The following NBEA variants were observed in gnomAD, a reference collection of about 807,000 sequenced individuals.
NBEA encodes neurobeachin.
Under a neutral mutation model 343.4 loss-of-function variants are expected in NBEA, and 44 were observed. The observed-to-expected ratio is 0.13, with a 90% CI of 0.10 to 0.16. The LOEUF (loss-of-function observed/expected upper bound fraction) is 0.16, where lower values mean the gene tolerates loss of function less well. Ranked by LOEUF, NBEA falls within the 10% of genes least tolerant of loss-of-function variation. The pLI, the probability that NBEA is intolerant of heterozygous loss-of-function variation, is 1.00. For missense variants in NBEA, 2,555 were observed against 3,631.3 expected (o/e 0.70, Z 7.62); for synonymous variants, 1,175 against 1,238.7 (o/e 0.95, Z 1.08).
intron 34 of NBEA, among the ~76,000 whole-genome samples, chr13:35,289,173 A>G (rs2035635239): frequency 6.6e-6 from 1 of 151,940 alleles, no homozygotes; most frequent in South Asian, 2.1e-4. Context: ...TCAAGAAACA[A>G]AAATAACTGG....
chr13:35,191,935 G>A (rs2072228807), intron 30 of NBEA, among the ~76,000 whole-genome samples: 1 of 151,992 alleles, frequency 6.6e-6, no homozygotes, highest in Admixed American at 6.6e-5. Flanking sequence ...CATGTCATTT[G>A]CTGAAGTTGT....
Position 35,091,069 on chromosome 13 carries a change from C to T in NBEA, c.1572-7228C>T, listed in dbSNP as rs373827261. Among the ~76,000 whole-genome samples the T allele has an allele frequency of 2.0e-4, 31 of 152,076 alleles. No homozygotes were observed. The East Asian group carries it at 3.7e-3, about 18-fold the overall frequency. ...TAATTTTTCTTTTCTTCACGTTGTTCTGTTATGGCCCAGCCCTCATGTGGT... is the reference window on the plus strand; with the variant it reads ...TAATTTTTCTTTTCTTCACGTTGTTTTGTTATGGCCCAGCCCTCATGTGGT... On this transcript the variant is annotated intron_variant, in intron 10 of 58. Coordinates refer to ENST00000379939, the MANE Select transcript of NBEA (RefSeq NM_001385012.1).
At chr13:35,423,204 T>G (rs2044412372) in intron 38 of NBEA, among the ~76,000 whole-genome samples, 1 of 152,242 alleles carries the variant, frequency 6.6e-6, no homozygotes, top group Admixed American at 6.5e-5. Context: ...TTTGATGTTT[T>G]AGACATGAAT....
At chr13:35,419,966 C>A (rs2044169631) in intron 38 of NBEA, among the ~76,000 whole-genome samples, 2 of 152,066 alleles carry the variant, frequency 1.3e-5, no homozygotes, top group Non-Finnish European at 2.9e-5. Flanking sequence ...ATTTGTGTGT[C>A]TATCTTGCAT....
intron 1 of NBEA, among the ~76,000 whole-genome samples, chr13:34,957,264 A>G (rs1009319560): frequency 6.6e-6 from 1 of 152,074 alleles, no homozygotes; most frequent in Non-Finnish European, 1.5e-5. Flanking sequence ...CATTTCCTTC[A>G]TCTTTATTAC....
chr13:34,952,101 C>T (rs143743882), intron 1 of NBEA, among the ~76,000 whole-genome samples: 21 of 152,260 alleles, frequency 1.4e-4, no homozygotes, highest in Non-Finnish European at 3.1e-4. Context: ...TATCTAGGTA[C>T]TAAGTAGCAC....
At chr13:35,303,017 A>C (rs1256387169) in intron 35 of NBEA, among the ~76,000 whole-genome samples, 1 of 152,158 alleles carries the variant, frequency 6.6e-6, no homozygotes, top group Non-Finnish European at 1.5e-5. Context: ...TCCTATATCA[A>C]ATAAAAGTAT....
chr13:34,989,850 G>C (rs2060688265), intron 1 of NBEA, among the ~76,000 whole-genome samples: 1 of 150,976 alleles, frequency 6.6e-6, no homozygotes, highest in South Asian at 2.1e-4. Context: ...TTACCTCCAA[G>C]ATACAATGGG....
chr13:35,160,038 C>A lies in NBEA; in HGVS notation c.3861+6C>A. 1.3e-6 allele frequency: 2 copies of A among 1,555,434 alleles called. No homozygotes were observed. The highest frequency in any genetic ancestry group is 8.7e-7 in the Non-Finnish European group (1 of 1,155,102). On this transcript the variant is annotated splice_donor_region_variant and intron_variant, in intron 22 of 58. Coordinates refer to ENST00000379939, the MANE Select transcript of NBEA (RefSeq NM_001385012.1). ...AAACAACTACTACGACACAAGTAAG[C>A]TACCTTATATGAGTTCTAGAAATAA...
chr13:34,951,792 T>G (rs1268071320), intron 1 of NBEA, among the ~76,000 whole-genome samples: 4 of 152,244 alleles, frequency 2.6e-5, no homozygotes, highest in Non-Finnish European at 4.4e-5. Context: ...TAGTAAGACA[T>G]GAATGGTGAT....
At chr13:35,470,108 G>A (rs2075577198) in intron 40 of NBEA, among the ~76,000 whole-genome samples, 1 of 152,186 alleles carries the variant, frequency 6.6e-6, no homozygotes, top group South Asian at 2.1e-4. Flanking sequence ...GATTTCCAAA[G>A]GACGAGGGTA....
intron 11 of NBEA, among the ~76,000 whole-genome samples, chr13:35,104,992 G>A (rs75902554): frequency 0.011 from 1,748 of 152,010 alleles, 43 homozygotes; most frequent in African/African-American, 0.039. Flanking sequence ...ACTCAACCTA[G>A]GTTTTTGAGA....
Position 35,277,648 on chromosome 13 carries a change from A to AGC in NBEA, c.5777-12740_5777-12739insCG, listed in dbSNP as rs71078088. ...AAAAAAAAAAAAAAAAAAAAAAAAAAGTGGGGGAAACAACATATGTATGCA... is the reference window on the plus strand; with the variant it reads ...AAAAAAAAAAAAAAAAAAAAAAAAAAGCGTGGGGGAAACAACATATGTATGCA... On this transcript the variant is annotated intron_variant, in intron 34 of 58. Transcript: ENST00000379939. Among the ~76,000 whole-genome samples the AGC allele has an allele frequency of 3.9e-5, 5 of 128,804 alleles. No homozygotes were observed. The South Asian group carries it at 1.4e-3, about 35-fold the overall frequency. The allele number at this position is 128,804 out of a possible 152,430, so 84.5% of individuals were successfully genotyped here. A position where few individuals can be genotyped will look rare whatever the true frequency, so the allele number is the denominator to read the frequency against.
At chr13:35,516,265 A>G (rs563680241) in intron 41 of NBEA, among the ~76,000 whole-genome samples, 1 of 152,322 alleles carries the variant, frequency 6.6e-6, no homozygotes, top group African/African-American at 2.4e-5. Context: ...AAGATTCAGG[A>G]GTCAGTCAGA....
At chr13:35,386,128 A>G (rs1179542159) in intron 38 of NBEA, among the ~76,000 whole-genome samples, 1 of 152,160 alleles carries the variant, frequency 6.6e-6, no homozygotes, top group Non-Finnish European at 1.5e-5. Flanking sequence ...GAATGCTGTC[A>G]ATTTGGAAGA....
At chr13:35,332,055 G>T (rs1323263168) in intron 36 of NBEA, among the ~76,000 whole-genome samples, 2 of 151,846 alleles carry the variant, frequency 1.3e-5, no homozygotes, top group Non-Finnish European at 2.9e-5. Flanking sequence ...ACATACTCAT[G>T]CATTCATTCA....
At chr13:35,566,768 G>GT in intron 44 of NBEA, 137 bp from the exon 45 acceptor site, 1 of 534,834 alleles carries the variant, frequency 1.9e-6, no homozygotes, top group Non-Finnish European at 3.4e-6. Context: ...GAAATGCATT[G>GT]TTATCAGAGT....
chr13:35,134,005 G>T (rs1009556230), intron 17 of NBEA, among the ~76,000 whole-genome samples: 1 of 151,834 alleles, frequency 6.6e-6, no homozygotes, highest in Non-Finnish European at 1.5e-5. Flanking sequence ...AAAATCAGAT[G>T]GGATTTGAAA....
intron 1 of NBEA, among the ~76,000 whole-genome samples, chr13:34,956,204 A>C (rs2059485176): frequency 6.6e-6 from 1 of 152,192 alleles, no homozygotes; most frequent in Non-Finnish European, 1.5e-5. Flanking sequence ...TGTAAAGATG[A>C]ATAGATGAAA....
Sources: gnomAD v4.1 joint callset for allele counts (sites outside exome capture counted in the v4.1 genomes callset) on GRCh38, gnomAD v4.1.1 for gene constraint, MANE v1.5 for transcripts, NCBI Gene and HGNC (gene_info 2026-07-23, HGNC 2026-07-21) for gene names.